REL: variants seen among roughly 807,000 people sequenced by gnomAD.
REL encodes the protein proto-oncogene c-Rel.
In REL, 15 loss-of-function variants were observed where a neutral mutation model predicts 45.9. The ratio of observed to expected loss-of-function variants is 0.33; its 90% CI spans 0.22 to 0.50. The LOEUF (loss-of-function observed/expected upper bound fraction) is 0.50, where lower values mean the gene tolerates loss of function less well. Among genes scored for constraint, REL ranks in the 20% least tolerant of loss-of-function variants. The pLI, the probability that REL is intolerant of heterozygous loss-of-function variation, is 0.98. For missense variants in REL, 601 were observed against 715.2 expected, an observed-to-expected ratio of 0.84 and a Z score of 1.82; for synonymous variants, 239 against 242.1, an observed-to-expected ratio of 0.99 and a Z score of 0.12.
intron 2 of REL, among the ~76,000 whole-genome samples, chr2:60,893,561 T>A (rs1196948263): frequency 6.6e-6 from 1 of 152,224 alleles, no homozygotes; most frequent in Non-Finnish European, 1.5e-5. Context: ...CTTTACAGCT[T>A]GAGTTTTGTA....
chr2:60,929,973 C>A lies in REL; in HGVS notation c.*7438C>A, dbSNP rs1393296851. The A allele has an allele frequency of 6.6e-6, 1 of 151,806 alleles. No homozygotes were observed. The highest frequency in any genetic ancestry group is 1.9e-4 in the East Asian group (1 of 5,192). 9.4% of individuals were successfully genotyped at this position (151,806 alleles called of 1,614,324 possible). ...CAGTGATTACGCCACTGCACTCCAG[C>A]CTGGGCAAGACCCTGTCTCAAAAAA... On this transcript the variant is annotated 3_prime_UTR_variant, in exon 10 of 10. Coordinates refer to ENST00000394479, the MANE Select transcript of REL (RefSeq NM_001291746.2).
At chr2:60,917,735 T>C (rs1321899271) in intron 5 of REL, among the ~76,000 whole-genome samples, 1 of 151,024 alleles carries the variant, frequency 6.6e-6, no homozygotes, top group Non-Finnish European at 1.5e-5. Flanking sequence ...TGTGTGTACA[T>C]AGACTTAGAT....
chr2:60,885,583 A>G (rs1300958124), intron 1 of REL, among the ~76,000 whole-genome samples: 1 of 152,190 alleles, frequency 6.6e-6, no homozygotes, highest in Non-Finnish European at 1.5e-5. Context: ...AGCCTGATGT[A>G]TTGGAGTAAT....
intron 3 of REL, among the ~76,000 whole-genome samples, chr2:60,896,729 C>T (rs1430411803): frequency 6.6e-6 from 1 of 152,108 alleles, no homozygotes; most frequent in African/African-American, 2.4e-5. Flanking sequence ...ATTTTTATTC[C>T]TTGCTTTCTG....
chr2:60,906,273 T>C (rs1474901659), intron 4 of REL, among the ~76,000 whole-genome samples: 2 of 152,150 alleles, frequency 1.3e-5, no homozygotes, highest in Non-Finnish European at 2.9e-5. Context: ...AGCCAAACCA[T>C]ATCGCCCCAC....
At chr2:60,901,153 T>C (rs1673485959) in intron 4 of REL, 70 bp downstream of exon 4, 6 of 591,714 alleles carry the variant, frequency 1.0e-5, no homozygotes, top group East Asian at 8.4e-5. Flanking sequence ...TCTTTCTCTT[T>C]TTTTTTTTTT....
chr2:60,891,473 T>G (rs1228013583), intron 1 of REL, among the ~76,000 whole-genome samples: 1 of 152,190 alleles, frequency 6.6e-6, no homozygotes, highest in Admixed American at 6.5e-5. Context: ...AATGACTTGT[T>G]TTGACACTAC....
intron 1 of REL, among the ~76,000 whole-genome samples, chr2:60,883,668 C>T (rs1432585382): frequency 6.6e-6 from 1 of 152,022 alleles, no homozygotes; most frequent in Non-Finnish European, 1.5e-5. Context: ...AGGAAACAAC[C>T]ATTTCTATAT....
Position 60,914,026 on chromosome 2 carries a change from G to A in REL, c.395-2851G>A, listed in dbSNP as rs1673890496. 2.0e-5 allele frequency among the ~76,000 whole-genome samples: 3 copies of A among 152,302 alleles called. No individual in the cohort carries two copies. The South Asian group carries it at 6.2e-4, about 32-fold the overall frequency. ...TCACTACTAGGTTCAACACCTAGTG[G>A]AGATACATCAGACATCCCTTCTGAC... On this transcript the variant is annotated intron_variant, in intron 4 of 9. Coordinates refer to ENST00000394479, the MANE Select transcript of REL (RefSeq NM_001291746.2).
At chr2:60,897,395 C>T (rs530356995) in intron 3 of REL, among the ~76,000 whole-genome samples, 1 of 151,878 alleles carries the variant, frequency 6.6e-6, no homozygotes, top group East Asian at 1.9e-4. Flanking sequence ...GCAACCTTCC[C>T]CTCCCAAGTT....
chr2:60,887,514 G>T (rs1238977196), intron 1 of REL, among the ~76,000 whole-genome samples: 1 of 151,816 alleles, frequency 6.6e-6, no homozygotes, highest in African/African-American at 2.4e-5. Flanking sequence ...GTAGCTTGAA[G>T]AAATAAAACA....
chr2:60,915,254 A>G (rs889015783), intron 4 of REL, among the ~76,000 whole-genome samples: 20 of 152,208 alleles, frequency 1.3e-4, no homozygotes, highest in African/African-American at 4.8e-4. Flanking sequence ...CTACAAATTT[A>G]TCTTTTTTGC....
At chr2:60,917,724 G>A (rs1674021891) in intron 5 of REL, among the ~76,000 whole-genome samples, 1 of 150,634 alleles carries the variant, frequency 6.6e-6, no homozygotes, top group African/African-American at 2.5e-5. Flanking sequence ...GTACGTGTGT[G>A]TGTGTGTACA....
rs1395171466 is a variant in REL, at chr2:60,925,277, T to A, written c.*2742T>A. 1.5e-5 allele frequency: 3 copies of A among 194,884 alleles called. No homozygotes were observed. The highest frequency in any genetic ancestry group is 6.9e-5 in the African/African-American group (3 of 43,176). The allele number at this position is 194,884 out of a possible 1,614,324, so 12.1% of individuals were successfully genotyped here. ...ACTTTACATAAACTAGTCGTTTCGG[T>A]CAAATAGAAAAATGTGTGAATGCCA... On this transcript the variant is annotated 3_prime_UTR_variant, in exon 10 of 10. Coordinates refer to ENST00000394479, the MANE Select transcript of REL (RefSeq NM_001291746.2).
intron 7 of REL, 130 bp downstream of exon 7, chr2:60,918,736 TGTTG>T: frequency 1.4e-6 from 1 of 695,040 alleles, no homozygotes; most frequent in South Asian, 1.9e-5. Flanking sequence ...GGAAGCTTTC[TGTTG>T]GTTTTTTCTT....
At chr2:60,896,602 T>A (rs1673358177) in intron 3 of REL, among the ~76,000 whole-genome samples, 1 of 152,196 alleles carries the variant, frequency 6.6e-6, no homozygotes, top group Non-Finnish European at 1.5e-5. Context: ...TAAATGCTCC[T>A]CTTACAATAA....
rs1439161779 is a variant in REL, at chr2:60,929,796, G to A, written c.*7261G>A. 1.3e-5 allele frequency: 2 copies of A among 151,906 alleles called. No homozygotes were observed. Among genetic ancestry groups the A allele is most frequent in the African/African-American group, 4.8e-5 (2 of 41,330 alleles). The allele number at this position is 151,906 out of a possible 1,614,324, so 9.4% of individuals were successfully genotyped here. ...TAAGTAACCTGCACAATGTGCACAT[G>A]TACCCTAAAGCTTAAAGTATAATAA... is the stretch of plus-strand genomic sequence containing the variant. On this transcript the variant is annotated 3_prime_UTR_variant, in exon 10 of 10. Transcript: ENST00000394479.
intron 1 of REL, among the ~76,000 whole-genome samples, chr2:60,884,713 T>G (rs1348130744): frequency 6.6e-6 from 1 of 152,174 alleles, no homozygotes; most frequent in Non-Finnish European, 1.5e-5. Context: ...GTTTTAAAAT[T>G]TAGATAATTT....
At chr2:60,905,452 A>G (rs1215269835) in intron 4 of REL, among the ~76,000 whole-genome samples, 1 of 152,204 alleles carries the variant, frequency 6.6e-6, no homozygotes, top group Admixed American at 6.5e-5. Context: ...TTGAATGTGC[A>G]TAGGAATATC....
Sources: gnomAD v4.1 joint callset for allele counts (sites outside exome capture counted in the v4.1 genomes callset) on GRCh38, gnomAD v4.1.1 for gene constraint, MANE v1.5 for transcripts, NCBI Gene and HGNC (gene_info 2026-07-23, HGNC 2026-07-21) for gene names.